Variants in KIF14 observed in about 807,000 individuals in gnomAD.
The protein encoded by KIF14 is kinesin family member 14.
In KIF14, 98 loss-of-function variants were observed where a neutral mutation model predicts 176.2. The observed-to-expected ratio is 0.56, with a 90% CI of 0.47 to 0.66. The LOEUF (loss-of-function observed/expected upper bound fraction) is 0.66, where lower values mean the gene tolerates loss of function less well. Ranked by LOEUF, KIF14 falls within the 30% of genes least tolerant of loss-of-function variation. KIF14 has a pLI of 0.00. For missense variants in KIF14, 1,751 were observed against 1,920.4 expected (o/e 0.91, Z 1.65); for synonymous variants, 566 against 632.2 (o/e 0.90, Z 1.57).
chr1:200,612,255 G>C (rs1245893600), intron 4 of KIF14, among the ~76,000 whole-genome samples: 1 of 152,058 alleles, frequency 6.6e-6, no homozygotes, highest in African/African-American at 2.4e-5. Context: ...CGCCTGCCTT[G>C]GCCTCCCAAA....
Position 200,618,540 on chromosome 1 carries a change from C to T in KIF14, c.184G>A (p.Asp62Asn), listed in dbSNP as rs998173002. Reference sequence around the variant, plus strand: ...GAAATAACATAAGTTCTATTTATGTCTCTGACTTTACCTGCAGATCTCAAT... The same window carrying T: ...GAAATAACATAAGTTCTATTTATGTTTCTGACTTTACCTGCAGATCTCAAT... ...PLLRSAGKVRDINRTYVISAS... is the reference protein window; with the variant it reads ...PLLRSAGKVRNINRTYVISAS... Residue 62 changes from aspartate to asparagine, a missense_variant, in exon 2 of 30, where the codon GAC becomes AAC. Asp to Asn is a conservative substitution (Grantham distance 23). Transcript: ENST00000367350. The T allele has an allele frequency of 1.2e-6, 2 of 1,614,078 alleles. No homozygotes were observed. The highest frequency in any genetic ancestry group is 1.7e-6 in the Non-Finnish European group (2 of 1,179,950).
chr1:200,591,969 C>A, intron 16 of KIF14, 111 bp downstream of exon 16: 1 of 842,560 alleles, frequency 1.2e-6, no homozygotes, highest in Non-Finnish European at 1.8e-6. Flanking sequence ...AAAATTATAT[C>A]ACTAGAAACC....
chr1:200,562,417 C>T (rs1172124024), intron 25 of KIF14, among the ~76,000 whole-genome samples: 1 of 152,236 alleles, frequency 6.6e-6, no homozygotes, highest in Non-Finnish European at 1.5e-5. Flanking sequence ...GCCCAGTAGG[C>T]ATTTCCAGCT....
In KIF14 at chr1:200,618,023, T is replaced by G. The variant is rs766622697; in HGVS notation, c.701A>C (p.His234Pro). 4 of 1,614,078 alleles carry G rather than the reference T, an allele frequency of 2.5e-6. No individual in the cohort carries two copies. The African/African-American group carries it at 5.3e-5, about 22-fold the overall frequency. ...GCTCTGAGTAGGTTTCGTTGTCAAG[T>G]GTCCTGATCTAACAACTTCAGTCTG... ...LSQTEVVRSG[H>P]LTTKPTQSKL... is the part of the protein sequence containing the mutation. The change falls in exon 2 of 30, where the codon CAC becomes CCC. Residue 234 changes from histidine (H) to proline (P), a missense_variant. By Grantham distance (77) the His-to-Pro change is moderately conservative. Coordinates refer to ENST00000367350, the MANE Select transcript of KIF14 (RefSeq NM_014875.3).
At position 200,593,781 on chromosome 1, in the gene KIF14, A is replaced by G; in HGVS notation, c.2550-12T>C. ...AATTTTTGATAGTACTGTTAAAATA[A>G]GAAGCACATAGTTAACAATTATAGA... is the stretch of plus-strand genomic sequence containing the variant. On this transcript the variant is annotated splice_polypyrimidine_tract_variant and intron_variant, in intron 14 of 29. Transcript: ENST00000367350. The G allele has an allele frequency of 2.1e-6, 3 of 1,452,708 alleles. No homozygotes were observed. Among genetic ancestry groups the G allele is most frequent in the Non-Finnish European group, 2.9e-6 (3 of 1,034,340 alleles). The allele number at this position is 1,452,708 out of a possible 1,614,324, so 90.0% of individuals were successfully genotyped here.
chr1:200,612,887 T>C (rs1660225847), intron 4 of KIF14, among the ~76,000 whole-genome samples: 1 of 138,530 alleles, frequency 7.2e-6, no homozygotes, highest in Non-Finnish European at 1.6e-5. Context: ...TTCTCTTTTT[T>C]TTTTTTTTTT....
rs1375054233 is a variant in KIF14 at position 200,553,584 on chromosome 1, G to A, written c.4751C>T (p.Ser1584Phe). ...TTTCAACAAATCAGGGCTTTCTTCAGATTCAAAACAAAAGAGGAGAGACTT... is the reference window on the plus strand; with the variant it reads ...TTTCAACAAATCAGGGCTTTCTTCAAATTCAAAACAAAAGAGGAGAGACTT... The part of the protein sequence containing the change: ...LAKSLLFCFE[S>F]EESPDLLKPW... The change falls in exon 30 of 30, where the codon TCT (serine) becomes TTT (phenylalanine). Residue 1584 changes from serine (S) to phenylalanine (F), a missense_variant. Ser to Phe is a radical substitution (Grantham distance 155, BLOSUM62 -2). Transcript: ENST00000367350. 1 of 1,614,038 alleles carries A rather than the reference G, an allele frequency of 6.2e-7. No homozygotes were observed. The highest frequency in any genetic ancestry group is 1.1e-5 in the South Asian group (1 of 91,082).
intron 19 of KIF14, among the ~76,000 whole-genome samples, chr1:200,583,904 T>A (rs12082313): frequency 6.6e-6 from 1 of 150,422 alleles, no homozygotes. Context: ...ATCACACCAC[T>A]GCATTCCAGC....
intron 18 of KIF14, 107 bp from the exon 19 acceptor site, chr1:200,586,334 C>A: frequency 1.1e-6 from 1 of 931,248 alleles, no homozygotes; most frequent in Non-Finnish European, 1.5e-6. Flanking sequence ...ACTACAGTAA[C>A]CATTTTACAA....
intron 19 of KIF14, among the ~76,000 whole-genome samples, 155 bp downstream of exon 19, chr1:200,585,946 C>A (rs12092539): frequency 6.6e-6 from 1 of 151,962 alleles, no homozygotes; most frequent in African/African-American, 2.4e-5. Flanking sequence ...TCAAAAACAA[C>A]CATTCATACA....
At chr1:200,572,003 T>C (rs527437725) in intron 22 of KIF14, among the ~76,000 whole-genome samples, 5 of 152,244 alleles carry the variant, frequency 3.3e-5, no homozygotes, top group Non-Finnish European at 4.4e-5. Context: ...GACTGTGGCA[T>C]ATCATTGCCC....
In KIF14 at chr1:200,565,476, A is replaced by G. The variant is rs575597828; in HGVS notation, c.3855T>C (p.His1285=). The G allele has an allele frequency of 1.1e-5, 18 of 1,602,822 alleles. No individual in the cohort carries two copies. The highest frequency in any genetic ancestry group is 4.5e-5 in the South Asian group (4 of 88,176). ...CTTGACTTTCTTCATCTTGTTCTTC[A>G]TGAGCCTTGGAAATGGCAAATAGCC... ...YNGLFAISKA[H]EEQDEESQDN... Residue 1285 remains histidine, a synonymous_variant, in exon 24 of 30, where the codon CAT becomes CAC. Transcript: ENST00000367350.
At position 200,581,201 on chromosome 1, in the gene KIF14, C is replaced by G; in HGVS notation, c.3335G>C (p.Arg1112Thr). 1.3e-6 allele frequency: 2 copies of G among 1,560,738 alleles called. No individual in the cohort carries two copies. The highest frequency in any genetic ancestry group is 1.7e-6 in the Non-Finnish European group (2 of 1,146,250). ...SKLKTYYVFG[R>T]HDISDKSSSD... ...AAAATCAGGATAATTAATTACTCAC[C>G]TGCCAAAAACATAGTATGTTTTCAA... is the stretch of plus-strand genomic sequence containing the variant. The change falls in exon 20 of 30, where the codon AGA (arginine) becomes ACA (threonine). Residue 1112 changes from arginine (R) to threonine (T), a missense_variant and splice_region_variant. Arg to Thr is a moderately conservative substitution (Grantham distance 71). Transcript: ENST00000367350.
chr1:200,610,317 G>A (rs1048520919), intron 4 of KIF14, among the ~76,000 whole-genome samples: 7 of 151,874 alleles, frequency 4.6e-5, no homozygotes, highest in Admixed American at 6.6e-5. Flanking sequence ...TGGCTAACAC[G>A]GTGAAACTAA....
In KIF14 at chr1:200,560,717, A is replaced by G. The variant is rs1366545155; in HGVS notation, c.4230+5T>C. 3 of 1,614,170 alleles carry G rather than the reference A, an allele frequency of 1.9e-6. No individual in the cohort carries two copies. Among genetic ancestry groups the G allele is most frequent in the Non-Finnish European group, 2.5e-6 (3 of 1,180,012 alleles). On this transcript the variant is annotated splice_donor_5th_base_variant and intron_variant, in intron 26 of 29. Transcript: ENST00000367350. ...AGTCTGTCTGAACTAACATTGCTAA[A>G]TTACCTGGACACTGGCAGCTTTATT...
At chr1:200,579,207 G>A (rs180918342) in intron 21 of KIF14, among the ~76,000 whole-genome samples, 40 of 152,252 alleles carry the variant, frequency 2.6e-4, no homozygotes, top group Non-Finnish European at 5.0e-4. Flanking sequence ...AATGGCTCAC[G>A]CCTGTAATCC....
At chr1:200,586,786 C>CATACATATATATATATATATAT (rs1658766666) in intron 18 of KIF14, among the ~76,000 whole-genome samples, 1 of 85,264 alleles carries the variant, frequency 1.2e-5, no homozygotes, top group South Asian at 4.4e-4. Context: ...TATATATATA[C>CATACATATATATATATATATAT]ATACATATAT....
In KIF14 at chr1:200,591,652, T is replaced by C. The variant is rs1185013676; in HGVS notation, c.2813+428A>G. ...TACACTCTCCCAGTCTTCCTCTGGCTAAATTCTAATCGTCTATTGGGATTC... is the reference window on the plus strand; with the variant it reads ...TACACTCTCCCAGTCTTCCTCTGGCCAAATTCTAATCGTCTATTGGGATTC... On this transcript the variant is annotated intron_variant, in intron 16 of 29. Transcript: ENST00000367350. 3.3e-5 allele frequency among the ~76,000 whole-genome samples: 5 copies of C among 152,264 alleles called. No homozygotes were observed. The East Asian group carries it at 9.6e-4, about 29-fold the overall frequency.
In KIF14 at chr1:200,590,127, G is replaced by C. The variant is rs1305053516; in HGVS notation, c.2959C>G (p.Leu987Val). Residue 987 changes from leucine to valine, a missense_variant and splice_region_variant, in exon 17 of 30, where the codon CTG becomes GTG. Transcript: ENST00000367350. The stretch of plus-strand genomic sequence containing the variant: ...ATAAAACTAATTCTGCCTTTTACCA[G>C]TTCTGCTTCCAGTGCTTTTATTTTG... ...ESKIKALEAE[L>V]REESQRKKMQ... 3.1e-6 allele frequency: 5 copies of C among 1,604,126 alleles called. No homozygotes were observed. The African/African-American group carries it at 6.8e-5, about 22-fold the overall frequency.
Sources: gnomAD v4.1 joint callset for allele counts (sites outside exome capture counted in the v4.1 genomes callset) on GRCh38, gnomAD v4.1.1 for gene constraint, MANE v1.5 for transcripts, NCBI Gene and HGNC (gene_info 2026-07-23, HGNC 2026-07-21) for gene names.